The following ROBO1 variants were observed in gnomAD, a reference collection of about 807,000 sequenced individuals.
ROBO1 encodes the protein roundabout guidance receptor 1.
In ROBO1, 149 loss-of-function variants were observed where a neutral mutation model predicts 195.9. That is an observed-to-expected ratio of 0.76 (90% confidence interval 0.67 to 0.87). The LOEUF (loss-of-function observed/expected upper bound fraction) is 0.87, where lower values mean the gene tolerates loss of function less well. ROBO1 is among the 40% of genes least tolerant of loss of function. The pLI is 0.00. For synonymous variants in ROBO1, 816 were observed against 733.2 expected (o/e 1.11, Z -1.82); for missense variants, 1,933 against 2,068.3 (o/e 0.93, Z 1.27).
chr3:79,576,693 A>G (rs905849339), intron 2 of ROBO1, among the ~76,000 whole-genome samples: 1 of 152,116 alleles, frequency 6.6e-6, no homozygotes, highest in Non-Finnish European at 1.5e-5. Flanking sequence ...TCATATACAC[A>G]CTTGGTGAAA....
At chr3:79,053,407 T>C (rs1379982578) in intron 3 of ROBO1, among the ~76,000 whole-genome samples, 1 of 152,062 alleles carries the variant, frequency 6.6e-6, no homozygotes, top group Non-Finnish European at 1.5e-5. Flanking sequence ...GTAGTTCCCA[T>C]GGCCCTGACT....
chr3:79,291,342 T>C (rs906608643), intron 2 of ROBO1, among the ~76,000 whole-genome samples: 1 of 152,158 alleles, frequency 6.6e-6, no homozygotes, highest in Non-Finnish European at 1.5e-5. Context: ...AGTCTCCTCT[T>C]CTACCTCCCT....
chr3:79,246,963 G>A (rs908408830), intron 2 of ROBO1, among the ~76,000 whole-genome samples: 7 of 151,888 alleles, frequency 4.6e-5, no homozygotes, highest in African/African-American at 1.7e-4. Flanking sequence ...AGCACTTTAT[G>A]CCTGGCATGA....
intron 2 of ROBO1, among the ~76,000 whole-genome samples, chr3:79,317,596 T>C (rs1559813335): frequency 6.6e-6 from 1 of 152,178 alleles, no homozygotes; most frequent in Non-Finnish European, 1.5e-5. Context: ...TAAACAAATC[T>C]AAACAAATAT....
chr3:79,538,969 T>C (rs1418723571), intron 2 of ROBO1, among the ~76,000 whole-genome samples: 3 of 152,140 alleles, frequency 2.0e-5, no homozygotes, highest in East Asian at 1.9e-4. Context: ...GGCTAGAGTT[T>C]GTACAGAAAA....
intron 2 of ROBO1, among the ~76,000 whole-genome samples, chr3:79,276,139 A>C (rs1559783784): frequency 6.6e-6 from 1 of 152,084 alleles, no homozygotes; most frequent in Admixed American, 6.6e-5. Flanking sequence ...ATTTATATGG[A>C]ACCACAAAAG....
At chr3:79,224,646 A>G (rs901013075) in intron 2 of ROBO1, among the ~76,000 whole-genome samples, 9 of 152,186 alleles carry the variant, frequency 5.9e-5, no homozygotes, top group African/African-American at 2.2e-4. Context: ...CCAACAATAT[A>G]TTCATTGATC....
intron 2 of ROBO1, among the ~76,000 whole-genome samples, chr3:79,431,285 T>A (rs965107284): frequency 3.3e-5 from 5 of 152,144 alleles, no homozygotes; most frequent in African/African-American, 1.2e-4. Flanking sequence ...CAATAACTTA[T>A]TTGGTTATAA....
intron 2 of ROBO1, among the ~76,000 whole-genome samples, chr3:79,339,717 C>T (rs774895742): frequency 3.3e-5 from 5 of 152,124 alleles, no homozygotes; most frequent in African/African-American, 7.2e-5. Context: ...CATTAAGCTC[C>T]GTTGAAGGCC....
chr3:79,311,746 C>T (rs1057464453), intron 2 of ROBO1, among the ~76,000 whole-genome samples: 2 of 152,226 alleles, frequency 1.3e-5, no homozygotes, highest in East Asian at 1.9e-4. Context: ...AAGTGTTTTA[C>T]GTACATTAAC....
At chr3:79,024,255 A>G (rs533108414) in intron 3 of ROBO1, among the ~76,000 whole-genome samples, 1 of 152,278 alleles carries the variant, frequency 6.6e-6, no homozygotes, top group South Asian at 2.1e-4. Flanking sequence ...CTTTTGATAG[A>G]GCCTGGGGCC....
At chr3:78,689,537 A>G (rs1485518817) in intron 8 of ROBO1, among the ~76,000 whole-genome samples, 2 of 151,842 alleles carry the variant, frequency 1.3e-5, no homozygotes, top group Non-Finnish European at 2.9e-5. Context: ...AAAAAAAAAA[A>G]GGTATTTGTT....
intron 2 of ROBO1, among the ~76,000 whole-genome samples, chr3:79,471,796 G>A (rs1426469431): frequency 1.3e-5 from 2 of 152,014 alleles, no homozygotes; most frequent in Non-Finnish European, 1.5e-5. Context: ...GGACATGGAT[G>A]AACCTGGAAA....
At chr3:79,407,422 A>G (rs2106826079) in intron 2 of ROBO1, among the ~76,000 whole-genome samples, 1 of 152,334 alleles carries the variant, frequency 6.6e-6, no homozygotes, top group South Asian at 2.1e-4. Flanking sequence ...ACGTTGTGAA[A>G]AAAATACATG....
At chr3:79,502,959 C>G (rs1940182140) in intron 2 of ROBO1, among the ~76,000 whole-genome samples, 1 of 152,110 alleles carries the variant, frequency 6.6e-6, no homozygotes, top group Admixed American at 6.5e-5. Context: ...AATCAGCTCT[C>G]TGTAAAATGG....
intron 2 of ROBO1, among the ~76,000 whole-genome samples, chr3:79,427,124 T>C (rs2038477654): frequency 6.6e-6 from 1 of 152,180 alleles, no homozygotes; most frequent in African/African-American, 2.4e-5. Context: ...TTCTTTCTAA[T>C]TATAAATTTA....
chr3:79,071,723 TGC>T (rs1438424623), intron 3 of ROBO1, among the ~76,000 whole-genome samples: 1 of 1,610 alleles, frequency 6.2e-4, no homozygotes, highest in African/African-American at 1.2e-3. Context: ...CACATGCACA[TGC>T]ACACACACAC....
chr3:79,078,447 G>A (rs1237448266), intron 3 of ROBO1, among the ~76,000 whole-genome samples: 2 of 151,724 alleles, frequency 1.3e-5, no homozygotes, highest in African/African-American at 4.8e-5. Flanking sequence ...GGTGACTTCA[G>A]TGGTTGAGTA....
At chr3:79,625,422 T>TTAAAAAAAAAAAAAAAAAA (rs1945136215) in intron 1 of ROBO1, among the ~76,000 whole-genome samples, 1 of 3,970 alleles carries the variant, frequency 2.5e-4, no homozygotes, top group East Asian at 7.0e-3. Context: ...CTGTTTTTTT[T>TTAAAAAAAAAAAAAAAAAA]GAAAAAAAAA....
Sources: allele counts gnomAD v4.1 joint callset (sites outside exome capture counted in the v4.1 genomes callset), GRCh38; gene constraint gnomAD v4.1.1; transcripts MANE v1.5; gene names NCBI Gene and HGNC (gene_info 2026-07-23, HGNC 2026-07-21).